ARL15: variants seen among roughly 807,000 people sequenced by gnomAD.
ARL15 encodes the protein ADP-ribosylation factor-like protein 15.
ARL15 carries 19 observed loss-of-function variants against 25.2 expected under a neutral mutation model. That is an observed-to-expected ratio of 0.75 (90% CI 0.53 to 1.10). The LOEUF (loss-of-function observed/expected upper bound fraction) is 1.10. Ranked by LOEUF, ARL15 falls within the 50% of genes least tolerant of loss-of-function variation. ARL15 has a pLI of 0.00. For synonymous variants in ARL15, 94 were observed against 86.8 expected (o/e 1.08, Z -0.46); for missense variants, 220 against 246.0 (o/e 0.89, Z 0.71).
chr5:54,276,289 G>A (rs2112657577), intron 1 of ARL15, among the ~76,000 whole-genome samples: 1 of 152,196 alleles, frequency 6.6e-6, no homozygotes, highest in South Asian at 2.1e-4. Context: ...TGCTTATGTT[G>A]GAATCTCCAA....
chr5:54,151,749 ACT>A (rs1307422910), intron 3 of ARL15, among the ~76,000 whole-genome samples: 1 of 152,134 alleles, frequency 6.6e-6, no homozygotes, highest in East Asian at 1.9e-4. Context: ...AGTGACTTTC[ACT>A]GAGTGTAACT....
chr5:54,164,606 T>C (rs542012470), intron 2 of ARL15, among the ~76,000 whole-genome samples: 1 of 152,260 alleles, frequency 6.6e-6, no homozygotes, highest in East Asian at 1.9e-4. Flanking sequence ...TTCATCATTA[T>C]GAACTTCTTT....
At chr5:54,137,510 C>T (rs947198969) in intron 3 of ARL15, among the ~76,000 whole-genome samples, 43 of 152,270 alleles carry the variant, frequency 2.8e-4, no homozygotes, top group African/African-American at 9.4e-4. Context: ...CACATAAAAA[C>T]GATAATAGCC....
intron 4 of ARL15, among the ~76,000 whole-genome samples, chr5:53,916,884 A>G (rs1055331640): frequency 1.3e-5 from 2 of 152,332 alleles, no homozygotes; most frequent in Admixed American, 6.5e-5. Context: ...TGCTCTGCAT[A>G]TCAAAGAGAT....
At chr5:54,173,372 G>T (rs1490391965) in intron 1 of ARL15, among the ~76,000 whole-genome samples, 1 of 152,008 alleles carries the variant, frequency 6.6e-6, no homozygotes, top group African/African-American at 2.4e-5. Flanking sequence ...GAGGGAAAGG[G>T]GGAGACAGGG....
intron 1 of ARL15, among the ~76,000 whole-genome samples, chr5:54,230,880 G>C (rs184560797): frequency 1.3e-3 from 197 of 152,144 alleles, no homozygotes; most frequent in African/African-American, 4.5e-3. Context: ...TAACAGCTTG[G>C]TAGGTAAGCA....
At chr5:53,971,836 G>A (rs1177578186) in intron 4 of ARL15, among the ~76,000 whole-genome samples, 1 of 152,162 alleles carries the variant, frequency 6.6e-6, no homozygotes, top group Admixed American at 6.5e-5. Context: ...CCTTGCATAT[G>A]CTTTGCTGAA....
At chr5:54,281,947 T>A (rs888293158) in intron 1 of ARL15, among the ~76,000 whole-genome samples, 11 of 152,240 alleles carry the variant, frequency 7.2e-5, no homozygotes, top group African/African-American at 2.7e-4. Flanking sequence ...TAAAACTCCA[T>A]AATTGTTTAA....
At chr5:53,932,363 G>A (rs910845893) in intron 4 of ARL15, among the ~76,000 whole-genome samples, 2 of 152,252 alleles carry the variant, frequency 1.3e-5, no homozygotes, top group Admixed American at 6.5e-5. Flanking sequence ...ACCGAGCAAC[G>A]CCCACCAGCC....
intron 4 of ARL15, among the ~76,000 whole-genome samples, chr5:54,018,057 G>C (rs1405858600): frequency 6.6e-6 from 1 of 152,080 alleles, no homozygotes; most frequent in African/African-American, 2.4e-5. Flanking sequence ...TAGGCTTGTT[G>C]CCTAGTGAAG....
intron 4 of ARL15, among the ~76,000 whole-genome samples, chr5:54,035,088 T>A (rs1750128976): frequency 6.7e-6 from 1 of 149,486 alleles, no homozygotes; most frequent in African/African-American, 2.4e-5. Flanking sequence ...ATATAGCAAA[T>A]GAAATAGGTT....
chr5:54,184,439 TAAAAAAAAAAAAAA>T (rs527755025), intron 1 of ARL15, among the ~76,000 whole-genome samples: 39 of 69,116 alleles, frequency 5.6e-4, no homozygotes, highest in East Asian at 1.0e-3. Context: ...ACACTGTCTT[TAAAAAAAAAAAAAA>T]AAAAAAAAAA....
chr5:53,974,139 A>G (rs934565560), intron 4 of ARL15, among the ~76,000 whole-genome samples: 2 of 152,216 alleles, frequency 1.3e-5, no homozygotes, highest in African/African-American at 2.4e-5. Flanking sequence ...AATTGGGTAC[A>G]GCCTACCCTT....
chr5:53,950,370 G>T (rs1253874030), intron 4 of ARL15, among the ~76,000 whole-genome samples: 2 of 152,160 alleles, frequency 1.3e-5, no homozygotes, highest in Admixed American at 6.5e-5. Flanking sequence ...TGTCATGACG[G>T]CTGGTTAACT....
intron 3 of ARL15, among the ~76,000 whole-genome samples, chr5:54,139,090 T>C (rs1753693478): frequency 6.6e-6 from 1 of 152,198 alleles, no homozygotes; most frequent in African/African-American, 2.4e-5. Flanking sequence ...ACAACCTCTA[T>C]GGAAAACAGT....
chr5:54,289,689 C>G (rs1408280355), intron 1 of ARL15, among the ~76,000 whole-genome samples: 1 of 152,158 alleles, frequency 6.6e-6, no homozygotes, highest in Non-Finnish European at 1.5e-5. Flanking sequence ...TTTGTAGGAG[C>G]TTGGGCAAGT....
chr5:53,961,933 T>C (rs191010755), intron 4 of ARL15, among the ~76,000 whole-genome samples: 9 of 152,324 alleles, frequency 5.9e-5, no homozygotes, highest in African/African-American at 1.9e-4. Flanking sequence ...AGGGAGCATA[T>C]GGAGTTCTAT....
chr5:54,169,427 TCACTTGAA>T (rs1754660455), intron 2 of ARL15, among the ~76,000 whole-genome samples: 5 of 152,132 alleles, frequency 3.3e-5, no homozygotes, highest in Admixed American at 3.3e-4. Context: ...CCACTAAACT[TCACTTGAA>T]CACCTGAACT....
At chr5:53,999,451 A>G (rs1050235286) in intron 4 of ARL15, among the ~76,000 whole-genome samples, 2 of 151,870 alleles carry the variant, frequency 1.3e-5, no homozygotes, top group African/African-American at 4.8e-5. Flanking sequence ...TTAGCCAGGT[A>G]TGGTGGTGCG....
Sources: allele counts gnomAD v4.1 joint callset (sites outside exome capture counted in the v4.1 genomes callset), GRCh38; gene constraint gnomAD v4.1.1; transcripts MANE v1.5; gene names NCBI Gene and HGNC (gene_info 2026-07-23, HGNC 2026-07-21).